MTERF4: variants seen among roughly 807,000 people sequenced by gnomAD.
MTERF4 encodes transcription termination factor 4, mitochondrial.
A neutral mutation model predicts 22.5 loss-of-function variants in MTERF4; 17 were observed. The observed-to-expected ratio is 0.75, with a 90% CI of 0.52 to 1.13. MTERF4 has a LOEUF of 1.13. Ranked by LOEUF, MTERF4 falls within the 50% of genes most tolerant of loss-of-function variation. The pLI, the probability that MTERF4 is intolerant of heterozygous loss-of-function variation, is 0.00. For synonymous variants in MTERF4, 165 were observed against 175.3 expected (o/e 0.94, Z 0.47); for missense variants, 420 against 466.8 (o/e 0.90, Z 0.92).
chr2:241,082,380 T>C (rs1439362862), downstream of MTERF4: 2 of 1,595,010 alleles, frequency 1.3e-6, no homozygotes, highest in East Asian at 2.2e-5. Context: ...TTGGTTTCTG[T>C]CCTCCGCCTT....
chr2:241,064,772 G>A, the MTERF4 span: 2 of 1,116,012 alleles, frequency 1.8e-6, no homozygotes, highest in Non-Finnish European at 2.5e-6. This position sits in a 1 kb window ranked among gnomAD's most constrained non-coding sequence, Gnocchi z 7.0. Flanking sequence ...AGTGCCCCAG[G>A]AGCAAGGGCG....
the MTERF4 span, chr2:241,053,406 T>A: frequency 7.1e-7 from 1 of 1,411,538 alleles, no homozygotes; most frequent in Non-Finnish European, 9.5e-7. Flanking sequence ...GCACAGGGGC[T>A]GCAGGCCCAA....
chr2:241,072,113 G>T, downstream of MTERF4: 1 of 698,766 alleles, frequency 1.4e-6, no homozygotes, highest in Non-Finnish European at 2.6e-6. Flanking sequence ...GTGGGCTGGA[G>T]GCGCAGGCTG....
downstream of MTERF4, chr2:241,094,035 G>A (rs1448410413): frequency 3.1e-6 from 1 of 318,686 alleles, no homozygotes; most frequent in African/African-American, 2.2e-5. This position sits in a 1 kb window ranked among gnomAD's most constrained non-coding sequence, Gnocchi z 4.3. Context: ...AACAGCCTAG[G>A]TTCTAGGGAG....
At chr2:241,081,819 G>C in intron 4 of MTERF4, 2 of 1,514,206 alleles carry the variant, frequency 1.3e-6, no homozygotes, top group Non-Finnish European at 1.8e-6. Flanking sequence ...GCCTCAGGGC[G>C]CCCCTTCCAA....
chr2:241,050,011 G>C, the MTERF4 span: 6 of 1,045,634 alleles, frequency 5.7e-6, no homozygotes, highest in African/African-American at 7.8e-5. Flanking sequence ...CTTCTCTGCT[G>C]TCTCTCTCCT....
At position 241,073,422 on chromosome 2, in the gene MTERF4, A is replaced by G; in HGVS notation, n.2740T>C. On this transcript the variant is annotated non_coding_transcript_exon_variant, in exon 5 of 5. Coordinates refer to the MTERF4 transcript ENST00000464344. This position sits in a 1 kb window ranked among gnomAD's most constrained non-coding sequence, Gnocchi z 6.6. ...CTGACTGACTGCTCTCAGGGGCCTT[A>G]GAGGCTGCAGGCAGGAGGGACCACC... The G allele has an allele frequency of 7.1e-6, 10 of 1,415,538 alleles. No individual in the cohort carries two copies. The highest frequency in any genetic ancestry group is 9.8e-6 in the Non-Finnish European group (10 of 1,023,586). 87.7% of individuals were successfully genotyped at this position (1,415,538 alleles called of 1,614,324 possible).
At chr2:241,083,489 T>G (rs767190577), downstream of MTERF4, among the ~76,000 whole-genome samples, 145 of 152,118 alleles carry the variant, frequency 9.5e-4, 1 homozygote, top group Non-Finnish European at 1.0e-3. Flanking sequence ...CGGGCAAGGG[T>G]AGAAGCTTCA....
chr2:241,062,359 G>A, the MTERF4 span, among the ~76,000 whole-genome samples: 1 of 152,130 alleles, frequency 6.6e-6, no homozygotes, highest in Non-Finnish European at 1.5e-5. Flanking sequence ...TTTAAATTCA[G>A]GAGCACAACT....
intron 4 of MTERF4, chr2:241,081,573 C>G (rs192662176): frequency 6.0e-6 from 5 of 836,558 alleles, no homozygotes; most frequent in Non-Finnish European, 9.7e-6. Context: ...GAGGAGTGCA[C>G]GGCCACCCTG....
At chr2:241,089,845 C>A, downstream of MTERF4, 1 of 1,407,194 alleles carries the variant, frequency 7.1e-7, no homozygotes, top group Non-Finnish European at 9.4e-7. Context: ...TGTGGCAGAG[C>A]CCATGCTCCC....
At chr2:241,081,999 G>A (rs1461219779) in intron 4 of MTERF4, among the ~76,000 whole-genome samples, 2 of 152,212 alleles carry the variant, frequency 1.3e-5, no homozygotes, top group African/African-American at 4.8e-5. Context: ...GCCCATCACG[G>A]GGGTCAGAAC....
the MTERF4 span, among the ~76,000 whole-genome samples, chr2:241,056,694 C>T: frequency 1.3e-5 from 2 of 150,942 alleles, no homozygotes; most frequent in Admixed American, 6.6e-5. Flanking sequence ...CATTCTCCTG[C>T]CTCAGCCTCC....
chr2:241,083,338 C>T (rs756807749), downstream of MTERF4, among the ~76,000 whole-genome samples: 5 of 152,024 alleles, frequency 3.3e-5, no homozygotes, highest in Non-Finnish European at 5.9e-5. Context: ...GACAGGGAAC[C>T]CTCGGGGCCA....
At chr2:241,052,182 A>T in the MTERF4 span, 1 of 1,589,198 alleles carries the variant, frequency 6.3e-7, no homozygotes, top group South Asian at 1.1e-5. Flanking sequence ...AGGCCAGGCC[A>T]GGGCGGCCAG....
At chr2:241,051,809 G>C in the MTERF4 span, 2 of 1,562,350 alleles carry the variant, frequency 1.3e-6, no homozygotes, top group Non-Finnish European at 8.7e-7. This position sits in a 1 kb window ranked among gnomAD's most constrained non-coding sequence, Gnocchi z 4.7. Flanking sequence ...GGCGGGCGGC[G>C]AGTACCACTG....
At chr2:241,070,109 C>T (rs1464893360), downstream of MTERF4, 4 of 1,612,802 alleles carry the variant, frequency 2.5e-6, no homozygotes, top group Non-Finnish European at 3.4e-6. Flanking sequence ...GACCTGCTGC[C>T]GGGACGGCGG....
the MTERF4 span, chr2:241,064,271 T>C: frequency 3.3e-6 from 2 of 609,928 alleles, no homozygotes; most frequent in Admixed American, 3.2e-5. This position sits in a 1 kb window ranked among gnomAD's most constrained non-coding sequence, Gnocchi z 7.0. Context: ...GAAGTCCCCT[T>C]CTCAGGCCAG....
the MTERF4 span, chr2:241,049,760 G>C: frequency 7.2e-7 from 1 of 1,392,912 alleles, no homozygotes; most frequent in South Asian, 1.2e-5. Flanking sequence ...CCAGCCTCTT[G>C]CCGCCCGCAC....
Sources: gnomAD v4.1 joint callset for allele counts (sites outside exome capture counted in the v4.1 genomes callset) on GRCh38, gnomAD v4.1.1 for gene constraint, Gnocchi (gnomAD v3.1) non-coding constraint, MANE v1.5 for transcripts, NCBI Gene and HGNC (gene_info 2026-07-23, HGNC 2026-07-21) for gene names.